COL12A1: variants seen among roughly 807,000 people sequenced by gnomAD.
The protein encoded by COL12A1 is collagen type XII alpha 1 chain.
COL12A1 carries 114 observed loss-of-function variants against 349.7 expected under a neutral mutation model. That is an observed-to-expected ratio of 0.33 (90% confidence interval 0.28 to 0.38). The LOEUF (loss-of-function observed/expected upper bound fraction) is 0.38, where lower values mean the gene tolerates loss of function less well. Ranked by LOEUF, COL12A1 falls within the 10% of genes least tolerant of loss-of-function variation. COL12A1 has a pLI of 1.00. For synonymous variants in COL12A1, 1,369 were observed against 1,329.0 expected, an observed-to-expected ratio of 1.03 and a Z score of -0.66; for missense variants, 3,284 against 3,756.9, an observed-to-expected ratio of 0.87 and a Z score of 3.29.
chr6:75,180,571 C>CATATATATATATATATAT (rs1014346865), intron 11 of COL12A1, among the ~76,000 whole-genome samples: 1 of 150,728 alleles, frequency 6.6e-6, no homozygotes, highest in African/African-American at 2.5e-5. Context: ...CCTATATATA[C>CATATATATATATATATAT]ATATATATAT....
intron 47 of COL12A1, 54 bp downstream of exon 47, chr6:75,117,328 G>A: frequency 6.4e-7 from 1 of 1,566,972 alleles, no homozygotes; most frequent in Non-Finnish European, 8.7e-7. Context: ...TGTCTACTAA[G>A]TAATTGTTTT....
At chr6:75,110,881 T>TA (rs1164789475) in intron 51 of COL12A1, among the ~76,000 whole-genome samples, 4 of 151,914 alleles carry the variant, frequency 2.6e-5, no homozygotes, top group South Asian at 2.1e-4. Flanking sequence ...CTTGGCTCAG[T>TA]AAAAAAATGT....
chr6:75,089,066 A>G (rs765405314), intron 64 of COL12A1, 40 bp downstream of exon 64: 16 of 1,419,436 alleles, frequency 1.1e-5, no homozygotes, highest in Non-Finnish European at 1.6e-5. Flanking sequence ...CCCTCTCGGT[A>G]TTTATAGTCT....
intron 65 of COL12A1, among the ~76,000 whole-genome samples, 179 bp from the exon 66 acceptor site, chr6:75,086,736 T>A (rs1198692013): frequency 1.3e-5 from 2 of 151,152 alleles, no homozygotes; most frequent in East Asian, 3.9e-4. Context: ...TATAAAGAAT[T>A]AAATTGCAAT....
intron 27 of COL12A1, 121 bp from the exon 28 acceptor site, chr6:75,139,082 C>G (rs930786339): frequency 9.0e-6 from 10 of 1,106,544 alleles, no homozygotes; most frequent in Non-Finnish European, 1.3e-5. Flanking sequence ...GAATACATTG[C>G]TTAGAACCAA....
chr6:75,126,090 T>A (rs1310041329), intron 39 of COL12A1, among the ~76,000 whole-genome samples: 1 of 152,112 alleles, frequency 6.6e-6, no homozygotes, highest in Non-Finnish European at 1.5e-5. Context: ...ACAGGCATCT[T>A]TGATTTGTGC....
At position 75,163,017 on chromosome 6, in the gene COL12A1, T is replaced by C. The variant is rs149243617; in HGVS notation, c.2983+2490A>G. 8.2e-3 allele frequency among the ~76,000 whole-genome samples: 1,245 copies of C among 152,254 alleles called. 18 individuals carry two copies. Among genetic ancestry groups the C allele is most frequent in the African/African-American group, 0.028 (1,174 of 41,556 alleles). On this transcript the variant is annotated intron_variant, in intron 14 of 65. Transcript: ENST00000322507. ...CATTAAAAAGTCAGGAAACAACAGA[T>C]GCTGGAGAGGATGTGGAGAAATAGG...
At chr6:75,092,709 A>G (rs1767833737) in intron 60 of COL12A1, among the ~76,000 whole-genome samples, 1 of 151,136 alleles carries the variant, frequency 6.6e-6, no homozygotes, top group Admixed American at 6.6e-5. Flanking sequence ...TATTCTCCAC[A>G]CAAAAACCAG....
Position 75,117,403 on chromosome 6 carries a change from C to T in COL12A1, c.7498G>A (p.Val2500Ile). 6.2e-7 allele frequency: 1 copy of T among 1,613,350 alleles called. No homozygotes were observed. Among genetic ancestry groups the T allele is most frequent in the Non-Finnish European group, 8.5e-7 (1 of 1,179,464 alleles). ...EKIEDNLITF[V>I]CETATSSCPL... ...TTACTTGAAGTGGCAGTTTCACAAACAAATGTAATAAGATTGTCTTCGATC... is the reference window on the plus strand; with the variant it reads ...TTACTTGAAGTGGCAGTTTCACAAATAAATGTAATAAGATTGTCTTCGATC... Residue 2500 changes from valine to isoleucine, a missense_variant, in exon 47 of 66, where the codon GTT becomes ATT. By Grantham distance (29) the Val-to-Ile change is conservative. Transcript: ENST00000322507.
At chr6:75,125,087 T>C in intron 40 of COL12A1, 40 bp downstream of exon 40, 4 of 1,546,858 alleles carry the variant, frequency 2.6e-6, no homozygotes, top group South Asian at 1.3e-5. Flanking sequence ...TAATTTCTAC[T>C]ACAGTTTTTC....
In COL12A1 at chr6:75,145,433, T is replaced by C. The variant is rs990135190; in HGVS notation, c.4583A>G (p.Asn1528Ser). 1 of 1,613,846 alleles carries C rather than the reference T, an allele frequency of 6.2e-7. No individual in the cohort carries two copies. Among genetic ancestry groups the C allele is most frequent in the African/African-American group, 1.3e-5 (1 of 74,920 alleles). The change falls in exon 25 of 66, where the codon AAT (asparagine) becomes AGT (serine). Residue 1528 changes from asparagine (N) to serine (S), a missense_variant. Transcript: ENST00000322507. ...PKEVRLGPTV[N>S]DMQLTDLVPN... is the part of the protein sequence containing the mutation. The stretch of plus-strand genomic sequence containing the variant: ...AACAAGGTCAGTCAGCTGCATGTCA[T>C]TCACTGTTGGCCCCAAACGCACCTG...
At chr6:75,117,912 T>C (rs1769165456) in intron 46 of COL12A1, among the ~76,000 whole-genome samples, 1 of 152,204 alleles carries the variant, frequency 6.6e-6, no homozygotes, top group Non-Finnish European at 1.5e-5. Flanking sequence ...AAGTCAAGAA[T>C]GGGCTTATTT....
Position 75,084,941 on chromosome 6 carries a change from C to A in COL12A1, c.*1606G>T, listed in dbSNP as rs1251040262. ...TAACTAAAGGCACACGGCATGTTCTCTCTTTGCAGCTTTTGTTAACAAAGT... is the reference window on the plus strand; with the variant it reads ...TAACTAAAGGCACACGGCATGTTCTATCTTTGCAGCTTTTGTTAACAAAGT... On this transcript the variant is annotated 3_prime_UTR_variant, in exon 66 of 66. Transcript: ENST00000322507. 1 of 271,746 alleles carries A rather than the reference C, an allele frequency of 3.7e-6. No homozygotes were observed. The highest frequency in any genetic ancestry group is 7.6e-6 in the Non-Finnish European group (1 of 131,810). The allele number at this position is 271,746 out of a possible 1,614,324, so 16.8% of individuals were successfully genotyped here.
chr6:75,176,412 T>A (rs1298384229), intron 12 of COL12A1, among the ~76,000 whole-genome samples: 1 of 118,096 alleles, frequency 8.5e-6, no homozygotes, highest in South Asian at 2.7e-4. Flanking sequence ...AGTGATGCAG[T>A]GGGAGGAGGG....
At chr6:75,113,439 C>A in intron 50 of COL12A1, 126 bp from the exon 51 acceptor site, 1 of 918,644 alleles carries the variant, frequency 1.1e-6, no homozygotes, top group Non-Finnish European at 1.5e-6. Context: ...TGATAAAATG[C>A]AATTAGGATA....
intron 51 of COL12A1, among the ~76,000 whole-genome samples, chr6:75,109,787 A>AGTAGTAT (rs1233084570): frequency 2.6e-5 from 4 of 152,124 alleles, no homozygotes; most frequent in Non-Finnish European, 5.9e-5. Flanking sequence ...GAATGTTAAC[A>AGTAGTAT]ACTCTATTAG....
chr6:75,142,141 C>G lies in COL12A1; in HGVS notation c.4848G>C (p.Glu1616Asp), dbSNP rs758462745. 6.2e-7 allele frequency: 1 copy of G among 1,613,986 alleles called. No homozygotes were observed. Among genetic ancestry groups the G allele is most frequent in the African/African-American group, 1.3e-5 (1 of 74,914 alleles). Residue 1616 changes from glutamate (E) to aspartate (D), a missense_variant, in exon 27 of 66, where the codon GAG becomes GAC. Physicochemically the swap from Glu to Asp is conservative, Grantham distance 45 (BLOSUM62 2). Transcript: ENST00000322507. ...AGAGGTCTTTGAGGGAAGTGCTGGTCTCTGATCTGTCCACCTCTACCTATA... is the reference window on the plus strand; with the variant it reads ...AGAGGTCTTTGAGGGAAGTGCTGGTGTCTGATCTGTCCACCTCTACCTATA... ...DVKEVEVDRS[E>D]TSTSLKDLFS...
chr6:75,152,052 G>T (rs1339911662), intron 19 of COL12A1, 21 bp from the exon 20 acceptor site: 2 of 1,613,744 alleles, frequency 1.2e-6, no homozygotes, highest in Non-Finnish European at 1.7e-6. Context: ...TTTTAAAAGA[G>T]AATCAGTCAC....
intron 25 of COL12A1, among the ~76,000 whole-genome samples, 177 bp from the exon 26 acceptor site, chr6:75,143,565 T>C (rs1426055134): frequency 6.6e-6 from 1 of 152,092 alleles, no homozygotes; most frequent in Non-Finnish European, 1.5e-5. Flanking sequence ...ACTGAATTCT[T>C]CTTAAGAAGG....
Sources: allele counts gnomAD v4.1 joint callset (sites outside exome capture counted in the v4.1 genomes callset), GRCh38; gene constraint gnomAD v4.1.1; transcripts MANE v1.5; gene names NCBI Gene and HGNC (gene_info 2026-07-23, HGNC 2026-07-21).